Variants in STRIP2 observed in about 807,000 individuals in gnomAD.
STRIP2 encodes striatin-interacting protein 2.
In STRIP2, 84 loss-of-function variants were observed where a neutral mutation model predicts 107.1. The ratio of observed to expected loss-of-function variants is 0.78; its 90% CI spans 0.66 to 0.94. The LOEUF (loss-of-function observed/expected upper bound fraction) is 0.94. Ranked by LOEUF, STRIP2 falls within the 40% of genes least tolerant of loss-of-function variation. The probability of loss-of-function intolerance (pLI) is 0.00; values close to 1 mark genes in which losing one functional copy is unlikely to be tolerated. For missense variants in STRIP2, 888 were observed against 1,034.2 expected, an observed-to-expected ratio of 0.86 and a Z score of 1.94; for synonymous variants, 394 against 400.4, an observed-to-expected ratio of 0.98 and a Z score of 0.19.
At chr7:129,457,712 A>G (rs1420529232) in intron 9 of STRIP2, among the ~76,000 whole-genome samples, 5 of 152,354 alleles carry the variant, frequency 3.3e-5, no homozygotes, top group Non-Finnish European at 1.5e-5. Context: ...ATCACCCACA[A>G]TCTTAACAAC....
At chr7:129,482,351 CTCTCTA>C (rs1472298075) in intron 19 of STRIP2, among the ~76,000 whole-genome samples, 141 of 67,724 alleles carry the variant, frequency 2.1e-3, no homozygotes, top group African/African-American at 4.4e-3. Flanking sequence ...CTCTCTCTCT[CTCTCTA>C]TATATATATA....
In STRIP2 at chr7:129,464,645, C is replaced by A; in HGVS notation, c.1683C>A (p.Ile561=). 1.2e-6 allele frequency: 2 copies of A among 1,613,998 alleles called. No homozygotes were observed. Among genetic ancestry groups the A allele is most frequent in the Non-Finnish European group, 1.7e-6 (2 of 1,179,952 alleles). Residue 561 remains isoleucine (I), a synonymous_variant, in exon 16 of 21, where the codon ATC becomes ATA. Coordinates refer to ENST00000249344, the MANE Select transcript of STRIP2 (RefSeq NM_020704.3). ...TTCTCCAGAGCATGAAGCTGGGCAT[C>A]GATGTGAACAGGCACAAGGAGATTA... The part of the protein sequence containing the change: ...ITVLQSMKLG[I]DVNRHKEIIV...
intron 20 of STRIP2, among the ~76,000 whole-genome samples, 162 bp from the exon 21 acceptor site, chr7:129,485,417 T>C (rs1211071342): frequency 7.1e-6 from 1 of 140,534 alleles, no homozygotes. Context: ...AACCTAAGTG[T>C]CAGCATGCTG....
intron 16 of STRIP2, among the ~76,000 whole-genome samples, chr7:129,466,251 GTT>G (rs1471486168): frequency 6.6e-6 from 1 of 152,128 alleles, no homozygotes; most frequent in African/African-American, 2.4e-5. Flanking sequence ...ACTGAAAAAA[GTT>G]TTCCATCAGA....
chr7:129,459,448 G>T, intron 11 of STRIP2, 69 bp from the exon 12 acceptor site: 4 of 1,315,852 alleles, frequency 3.0e-6, no homozygotes, highest in East Asian at 2.3e-5. Flanking sequence ...TGACTCTAGG[G>T]GGGTATTGGG....
chr7:129,444,922 G>C (rs1024657179), intron 3 of STRIP2, among the ~76,000 whole-genome samples: 1 of 152,234 alleles, frequency 6.6e-6, no homozygotes, highest in African/African-American at 2.4e-5. Flanking sequence ...GTGTATACAC[G>C]CACAAACATG....
At chr7:129,473,997 G>A (rs993026025) in intron 18 of STRIP2, among the ~76,000 whole-genome samples, 10 of 152,138 alleles carry the variant, frequency 6.6e-5, no homozygotes, top group Non-Finnish European at 1.3e-4. Context: ...GATTACAGGC[G>A]TGAGCCACTG....
chr7:129,484,862 A>C lies in STRIP2; in HGVS notation c.2255-717A>C, dbSNP rs143644721. On this transcript the variant is annotated intron_variant, in intron 20 of 20. Coordinates refer to ENST00000249344, the MANE Select transcript of STRIP2 (RefSeq NM_020704.3). Reference sequence around the variant, plus strand: ...ACTCACACTACACTTCCTTATGATAAACCCTTGCATGTAGAACATGAGAGA... The same window carrying C: ...ACTCACACTACACTTCCTTATGATACACCCTTGCATGTAGAACATGAGAGA... Among the ~76,000 whole-genome samples the C allele has an allele frequency of 6.0e-3, 913 of 152,272 alleles. 11 individuals carry two copies. Among genetic ancestry groups the C allele is most frequent in the African/African-American group, 0.021 (882 of 41,536 alleles).
chr7:129,476,048 G>A (rs547664533), intron 18 of STRIP2, among the ~76,000 whole-genome samples: 5 of 152,158 alleles, frequency 3.3e-5, no homozygotes, highest in South Asian at 4.1e-4. Flanking sequence ...CGCCATCGTC[G>A]TCATGGCCCG....
chr7:129,470,834 G>A (rs900361468), intron 18 of STRIP2, 119 bp downstream of exon 18: 3 of 819,186 alleles, frequency 3.7e-6, no homozygotes, highest in African/African-American at 3.4e-5. Context: ...GATCAATGAA[G>A]GTATATTGGC....
chr7:129,460,211 T>C, intron 12 of STRIP2, 90 bp from the exon 13 acceptor site: 1 of 1,180,084 alleles, frequency 8.5e-7, no homozygotes, highest in Non-Finnish European at 1.2e-6. Context: ...AAGCAGAACA[T>C]TTCCTTGCTT....
chr7:129,485,592 A>G lies in STRIP2; in HGVS notation c.2268A>G (p.Arg756=), dbSNP rs1226430375. The change falls in exon 21 of 21, where the codon AGA becomes AGG. Residue 756 remains arginine (R), a synonymous_variant. Transcript: ENST00000249344. ...DWAYGNDIDA[R]PWDFQAEECT... is the part of the protein sequence containing the mutation. ...TTTCCAACACAGACATCGATGCCAG[A>G]CCATGGGACTTCCAAGCAGAAGAAT... 2.5e-6 allele frequency: 4 copies of G among 1,613,780 alleles called. No homozygotes were observed. The highest frequency in any genetic ancestry group is 3.4e-6 in the Non-Finnish European group (4 of 1,180,010).
chr7:129,446,675 A>G (rs922720499), intron 3 of STRIP2, among the ~76,000 whole-genome samples: 1 of 152,168 alleles, frequency 6.6e-6, no homozygotes, highest in South Asian at 2.1e-4. Flanking sequence ...GGAGCTCCCC[A>G]TGAGGCCATC....
At chr7:129,477,582 T>A (rs991787985) in intron 18 of STRIP2, among the ~76,000 whole-genome samples, 1 of 151,826 alleles carries the variant, frequency 6.6e-6, no homozygotes, top group African/African-American at 2.4e-5. Flanking sequence ...AATCTTGAAA[T>A]TTTTTTTTCT....
intron 18 of STRIP2, among the ~76,000 whole-genome samples, chr7:129,473,167 CAG>C (rs1798834807): frequency 6.6e-6 from 1 of 151,994 alleles, no homozygotes; most frequent in South Asian, 2.1e-4. Context: ...ACTGGAGAAA[CAG>C]AAAAGTATGA....
rs866311342 is a variant in STRIP2, at chr7:129,488,138, C to G, written c.*2309C>G. The G allele has an allele frequency of 2.3e-4, 35 of 152,134 alleles. No homozygotes were observed. The highest frequency in any genetic ancestry group is 7.7e-4 in the African/African-American group (32 of 41,410). 9.4% of individuals were successfully genotyped at this position (152,134 alleles called of 1,614,324 possible). ...CCGAGATCATGCCACTGCACTCCAT[C>G]CTGGGCAACAAGAACGAAACTCCGT... On this transcript the variant is annotated 3_prime_UTR_variant, in exon 21 of 21. Transcript: ENST00000249344.
chr7:129,454,510 C>T lies in STRIP2; in HGVS notation c.689C>T (p.Thr230Ile). The T allele has an allele frequency of 6.2e-7, 1 of 1,612,752 alleles. No individual in the cohort carries two copies. Among genetic ancestry groups the T allele is most frequent in the African/African-American group, 1.3e-5 (1 of 74,996 alleles). Residue 230 changes from threonine to isoleucine, a missense_variant, in exon 7 of 21, where the codon ACC (threonine) becomes ATC (isoleucine). Physicochemically the swap from Thr to Ile is moderately conservative, Grantham distance 89. Transcript: ENST00000249344. Reference protein sequence around the residue: ...DPCGWRTARETFRTELSFSMH... With the variant: ...DPCGWRTAREIFRTELSFSMH... ...TGTGGGTGGAGAACAGCCCGGGAGA[C>T]CTTCCGCACTGAATTAAGTAAGAAA...
At chr7:129,475,692 C>G (rs1798905156) in intron 18 of STRIP2, among the ~76,000 whole-genome samples, 1 of 150,522 alleles carries the variant, frequency 6.6e-6, no homozygotes, top group Admixed American at 6.6e-5. Context: ...TCTGGTTTTC[C>G]TAGGCAGAGG....
At chr7:129,455,493 TGCTA>T in intron 8 of STRIP2, 122 bp downstream of exon 8, 1 of 1,229,820 alleles carries the variant, frequency 8.1e-7, no homozygotes, top group South Asian at 1.6e-5. Flanking sequence ...CTTAGCCAAC[TGCTA>T]ATATGGAGGG....
Sources: gnomAD v4.1 joint callset for allele counts (sites outside exome capture counted in the v4.1 genomes callset) on GRCh38, gnomAD v4.1.1 for gene constraint, MANE v1.5 for transcripts, NCBI Gene and HGNC (gene_info 2026-07-23, HGNC 2026-07-21) for gene names.